ERGIC2: variants seen among roughly 807,000 people sequenced by gnomAD.
The protein encoded by ERGIC2 is ERGIC and golgi 2, also known as endoplasmic reticulum-Golgi intermediate compartment protein 2.
ERGIC2 carries 31 observed loss-of-function variants against 52.5 expected under a neutral mutation model. The ratio of observed to expected loss-of-function variants is 0.59; its 90% CI spans 0.44 to 0.80. ERGIC2 has a LOEUF of 0.80. ERGIC2 is among the 30% of genes least tolerant of loss of function. The pLI, the probability that ERGIC2 is intolerant of heterozygous loss-of-function variation, is 0.00. For synonymous variants in ERGIC2, 129 were observed against 140.6 expected, an observed-to-expected ratio of 0.92 and a Z score of 0.58; for missense variants, 395 against 455.2, an observed-to-expected ratio of 0.87 and a Z score of 1.20.
chr12:29,349,104 A>T lies in ERGIC2; in HGVS notation c.702T>A (p.Asp234Glu). Residue 234 changes from aspartate to glutamate, a missense_variant, in exon 10 of 14, where the codon GAT (aspartate) becomes GAA (glutamate). Asp to Glu is a conservative substitution (Grantham distance 45). Coordinates refer to ENST00000360150, the MANE Select transcript of ERGIC2 (RefSeq NM_016570.3). ...GATCTATAGCAATTTTTTCAGTTCC[A>T]TCTAAAGGATTAATAATTGCTGGAA... is the stretch of plus-strand genomic sequence containing the variant. Reference protein sequence around the residue: ...ELVPAIINPLDGTEKIAIDHN... With the variant: ...ELVPAIINPLEGTEKIAIDHN... The T allele has an allele frequency of 6.4e-7, 1 of 1,564,134 alleles. No homozygotes were observed. Among genetic ancestry groups the T allele is most frequent in the Non-Finnish European group, 8.7e-7 (1 of 1,150,980 alleles).
In ERGIC2 at chr12:29,340,021, T is replaced by G. The variant is rs1420761111; in HGVS notation, c.*1135A>C. The G allele has an allele frequency of 1.3e-5, 2 of 152,166 alleles. No homozygotes were observed. The highest frequency in any genetic ancestry group is 2.9e-5 in the Non-Finnish European group (2 of 67,992). 9.4% of individuals were successfully genotyped at this position (152,166 alleles called of 1,614,324 possible). ...AGCTCCCTCTCACTGTTTTTAATCT[T>G]TTATAATGTGAAGATTTAGAACCAA... is the stretch of plus-strand genomic sequence containing the variant. On this transcript the variant is annotated 3_prime_UTR_variant, in exon 14 of 14. Transcript: ENST00000360150.
In ERGIC2 at chr12:29,368,236, C is replaced by T; in HGVS notation, c.262+5G>A. 6.4e-7 allele frequency: 1 copy of T among 1,559,838 alleles called. No individual in the cohort carries two copies. Among genetic ancestry groups the T allele is most frequent in the Non-Finnish European group, 8.8e-7 (1 of 1,132,532 alleles). ...GTGGATTCAGCAAGTTGAAGGTGTACTTACATTGACACTTCATGGCAACAG... is the reference window on the plus strand; with the variant it reads ...GTGGATTCAGCAAGTTGAAGGTGTATTTACATTGACACTTCATGGCAACAG... On this transcript the variant is annotated splice_donor_5th_base_variant and intron_variant, in intron 4 of 13. Transcript: ENST00000360150.
chr12:29,343,415 T>C, intron 11 of ERGIC2, 133 bp from the exon 12 acceptor site: 1 of 559,684 alleles, frequency 1.8e-6, no homozygotes, highest in South Asian at 3.8e-5. Flanking sequence ...CACATTTCCT[T>C]ATGAACTGTC....
chr12:29,354,119 A>T (rs1940171313), intron 8 of ERGIC2, among the ~76,000 whole-genome samples: 2 of 152,168 alleles, frequency 1.3e-5, no homozygotes, highest in Non-Finnish European at 2.9e-5. Context: ...ACAAAAAAGA[A>T]TCATTCCAGG....
intron 8 of ERGIC2, among the ~76,000 whole-genome samples, chr12:29,352,696 T>A (rs1386460637): frequency 6.6e-6 from 1 of 151,910 alleles, no homozygotes; most frequent in East Asian, 1.9e-4. Context: ...ATAAACAAAA[T>A]TTAAAAGCCC....
chr12:29,346,257 C>T (rs946526570), intron 10 of ERGIC2, among the ~76,000 whole-genome samples: 27 of 150,734 alleles, frequency 1.8e-4, no homozygotes, highest in Non-Finnish European at 2.4e-4. Flanking sequence ...GGCGCAATCA[C>T]GGCTCACTGC....
chr12:29,347,974 T>A (rs1486557571), intron 10 of ERGIC2, among the ~76,000 whole-genome samples: 2 of 152,218 alleles, frequency 1.3e-5, no homozygotes, highest in Non-Finnish European at 2.9e-5. Context: ...CATTTTAGCA[T>A]CTTGAAACAA....
At chr12:29,377,110 T>C (rs916327332) in intron 1 of ERGIC2, among the ~76,000 whole-genome samples, 4 of 152,152 alleles carry the variant, frequency 2.6e-5, no homozygotes, top group African/African-American at 9.7e-5. Flanking sequence ...CTTGTATTGG[T>C]CCACAAAATC....
intron 1 of ERGIC2, among the ~76,000 whole-genome samples, chr12:29,372,002 A>G (rs941283332): frequency 2.6e-5 from 4 of 152,220 alleles, no homozygotes; most frequent in African/African-American, 9.6e-5. Context: ...TACACTTCCA[A>G]TAATGAATGA....
At position 29,341,081 on chromosome 12, in the gene ERGIC2, A is replaced by G. The variant is rs1949836305; in HGVS notation, c.*75T>C. On this transcript the variant is annotated 3_prime_UTR_variant, in exon 14 of 14. Transcript: ENST00000360150. The stretch of plus-strand genomic sequence containing the variant: ...TTTGTGTTTTCTTTTCTTTGAATAT[A>G]TTGCACAATATTTTATTATTAAAAA... 1 of 951,936 alleles carries G rather than the reference A, an allele frequency of 1.1e-6. No individual in the cohort carries two copies. The highest frequency in any genetic ancestry group is 1.5e-5 in the South Asian group (1 of 66,422). The allele number at this position is 951,936 out of a possible 1,614,324, so 59.0% of individuals were successfully genotyped here.
chr12:29,371,820 C>G (rs546346940), intron 1 of ERGIC2, 150 bp from the exon 2 acceptor site: 8 of 469,902 alleles, frequency 1.7e-5, no homozygotes, highest in Non-Finnish European at 3.0e-5. Flanking sequence ...ATCCACACTA[C>G]TCCTTTCCCC....
chr12:29,351,457 G>A (rs1940128870), intron 8 of ERGIC2, among the ~76,000 whole-genome samples: 1 of 152,126 alleles, frequency 6.6e-6, no homozygotes, highest in South Asian at 2.1e-4. Flanking sequence ...GCGATTCATA[G>A]ATACTAATTC....
chr12:29,366,978 A>T, intron 4 of ERGIC2, 31 bp from the exon 5 acceptor site: 8 of 1,458,238 alleles, frequency 5.5e-6, no homozygotes, highest in Non-Finnish European at 5.6e-6. Flanking sequence ...GAAGTTTTAC[A>T]TTCTATGCTT....
At chr12:29,368,107 T>C (rs1034427311) in intron 4 of ERGIC2, 134 bp downstream of exon 4, 2 of 642,868 alleles carry the variant, frequency 3.1e-6, no homozygotes, top group Middle Eastern at 3.6e-4. Context: ...ATTTGTATTA[T>C]TAAATAATAC....
chr12:29,375,209 T>C (rs1713462007), intron 1 of ERGIC2, among the ~76,000 whole-genome samples: 1 of 152,208 alleles, frequency 6.6e-6, no homozygotes, highest in Non-Finnish European at 1.5e-5. Context: ...AAACTTTCCA[T>C]GGCCTTCAAA....
chr12:29,360,769 T>C (rs1940273800), intron 6 of ERGIC2, among the ~76,000 whole-genome samples: 1 of 151,542 alleles, frequency 6.6e-6, no homozygotes, highest in Non-Finnish European at 1.5e-5. Context: ...TCAGTGGCAT[T>C]AGTTTACAGA....
intron 1 of ERGIC2, among the ~76,000 whole-genome samples, chr12:29,377,325 C>A (rs1346185563): frequency 2.6e-5 from 4 of 152,174 alleles, no homozygotes; most frequent in Admixed American, 2.6e-4. Flanking sequence ...CCCTCAGTAT[C>A]CATGGGGTAT....
chr12:29,379,089 T>G (rs1254349131), intron 1 of ERGIC2, among the ~76,000 whole-genome samples: 11 of 152,292 alleles, frequency 7.2e-5, no homozygotes, highest in Non-Finnish European at 1.6e-4. Flanking sequence ...TAAGAGAGAC[T>G]ATAGAGTGAT....
In ERGIC2 at chr12:29,372,949, C is replaced by T. The variant is rs960637108; in HGVS notation, c.-37-1279G>A. 1.2e-4 allele frequency: 18 copies of T among 151,734 alleles called. 1 individual carries two copies. The highest frequency in any genetic ancestry group is 9.8e-4 in the Admixed American group (15 of 15,230). 9.4% of individuals were successfully genotyped at this position (151,734 alleles called of 1,614,324 possible). A position where few individuals can be genotyped will look rare whatever the true frequency, so the allele number is the denominator to read the frequency against. On this transcript the variant is annotated intron_variant, in intron 1 of 13. Transcript: ENST00000360150. ...GTGCTGGGATTATAGATGTGAACCA[C>T]CACACCTGGCCTGAAACTCTTTTAT...
Sources: allele counts gnomAD v4.1 joint callset (sites outside exome capture counted in the v4.1 genomes callset), GRCh38; gene constraint gnomAD v4.1.1; transcripts MANE v1.5; gene names NCBI Gene and HGNC (gene_info 2026-07-23, HGNC 2026-07-21).